The following NFIB variants were observed in gnomAD, a reference collection of about 807,000 sequenced individuals.
NFIB encodes nuclear factor 1 B-type.
Under a neutral mutation model 61.5 loss-of-function variants are expected in NFIB, and 11 were observed. That is an observed-to-expected ratio of 0.18 (90% CI 0.11 to 0.30). The LOEUF (loss-of-function observed/expected upper bound fraction) is 0.30. Among genes scored for constraint, NFIB ranks in the 10% least tolerant of loss-of-function variants. The pLI, the probability that NFIB is intolerant of heterozygous loss-of-function variation, is 1.00. For synonymous variants in NFIB, 260 were observed against 216.5 expected, an observed-to-expected ratio of 1.20 and a Z score of -1.76; for missense variants, 471 against 608.9, an observed-to-expected ratio of 0.77 and a Z score of 2.38.
chr9:14,235,054 T>C (rs1378340628), intron 2 of NFIB, among the ~76,000 whole-genome samples: 1 of 152,190 alleles, frequency 6.6e-6, no homozygotes, highest in East Asian at 1.9e-4. Flanking sequence ...TCACAACTGG[T>C]AGGTACTTAA....
intron 2 of NFIB, 42 bp downstream of exon 2, chr9:14,306,947 G>A (rs572596736): frequency 6.2e-7 from 1 of 1,600,954 alleles, no homozygotes; most frequent in South Asian, 1.1e-5. Flanking sequence ...AGATTTGTAG[G>A]CGGTGTTTGC....
intron 10 of NFIB, among the ~76,000 whole-genome samples, chr9:14,089,364 T>TAA (rs577188593): frequency 0.05 from 6,795 of 134,558 alleles, 511 homozygotes; most frequent in East Asian, 0.36. Flanking sequence ...TACAGGCTGT[T>TAA]AAAAAAAAAA....
intron 3 of NFIB, among the ~76,000 whole-genome samples, chr9:14,167,720 G>T: frequency 6.6e-6 from 1 of 152,128 alleles, no homozygotes; most frequent in East Asian, 1.9e-4. Context: ...GAAACATTCA[G>T]TGTAATCAGG....
At chr9:14,126,614 G>C (rs532314953) in intron 6 of NFIB, among the ~76,000 whole-genome samples, 2 of 152,328 alleles carry the variant, frequency 1.3e-5, no homozygotes, top group Admixed American at 1.3e-4. Context: ...AGTGTGTGGA[G>C]TGGTGAAAGA....
At chr9:14,227,159 GAAAGA>G (rs1280520427) in intron 2 of NFIB, among the ~76,000 whole-genome samples, 2 of 140,566 alleles carry the variant, frequency 1.4e-5, no homozygotes, top group African/African-American at 2.7e-5. Context: ...AAAAAAAAAA[GAAAGA>G]AAAGTAAAGT....
intron 2 of NFIB, among the ~76,000 whole-genome samples, chr9:14,260,892 A>T (rs2056686394): frequency 6.8e-6 from 1 of 146,130 alleles, no homozygotes; most frequent in Admixed American, 6.7e-5. Context: ...GGCAAAAGGT[A>T]GCCACATCAT....
At chr9:14,115,298 A>AG (rs943668578) in intron 9 of NFIB, among the ~76,000 whole-genome samples, 1 of 151,816 alleles carries the variant, frequency 6.6e-6, no homozygotes, top group Non-Finnish European at 1.5e-5. Flanking sequence ...GAAAGAAAAA[A>AG]AAAAGGTTTG....
the NFIB span, among the ~76,000 whole-genome samples, chr9:14,454,132 A>C: frequency 6.6e-6 from 1 of 152,196 alleles, no homozygotes; most frequent in Non-Finnish European, 1.5e-5. Context: ...AAATATGAAG[A>C]CTCACATGTT....
chr9:14,368,284 G>A (rs1256805968), intron 1 of NFIB, among the ~76,000 whole-genome samples: 1 of 152,164 alleles, frequency 6.6e-6, no homozygotes, highest in Admixed American at 6.5e-5. Context: ...CCAAGAAGCA[G>A]ACATAAAGAG....
intron 2 of NFIB, among the ~76,000 whole-genome samples, chr9:14,299,154 C>T (rs1024542507): frequency 3.3e-5 from 5 of 152,146 alleles, no homozygotes; most frequent in Non-Finnish European, 5.9e-5. Flanking sequence ...ACAGAATATA[C>T]CCTACTTCAA....
At chr9:14,317,712 A>G (rs905606176), upstream of NFIB, among the ~76,000 whole-genome samples, 1 of 152,300 alleles carries the variant, frequency 6.6e-6, no homozygotes, top group African/African-American at 2.4e-5. Flanking sequence ...TGCCAAGGTC[A>G]TTGCAGGCCT....
intron 2 of NFIB, among the ~76,000 whole-genome samples, chr9:14,192,229 G>A (rs2048024355): frequency 6.6e-6 from 1 of 152,134 alleles, no homozygotes; most frequent in East Asian, 1.9e-4. Flanking sequence ...ATTGTTCATG[G>A]ATATTTTGCA....
At chr9:14,473,558 C>T in the NFIB span, among the ~76,000 whole-genome samples, 95,480 of 152,026 alleles carry the variant, frequency 0.63, 31,075 homozygotes, top group African/African-American at 0.81. Flanking sequence ...CTCAAGCTTC[C>T]TCTCCCAACA....
chr9:14,322,074 GTTAAAAA>G, intron 1 of NFIB: 1 of 468,090 alleles, frequency 2.1e-6, no homozygotes, highest in Non-Finnish European at 2.6e-6. Flanking sequence ...TTTGTGTTTA[GTTAAAAA>G]AAAAAAAAAA....
At chr9:14,173,526 T>G (rs1270817196) in intron 3 of NFIB, among the ~76,000 whole-genome samples, 1 of 152,188 alleles carries the variant, frequency 6.6e-6, no homozygotes, top group Non-Finnish European at 1.5e-5. Flanking sequence ...TAACTCACAT[T>G]TTTATCTTCT....
chr9:14,261,867 GT>G (rs2056789225), intron 2 of NFIB, among the ~76,000 whole-genome samples: 1 of 152,136 alleles, frequency 6.6e-6, no homozygotes, highest in Admixed American at 6.5e-5. Flanking sequence ...AGAGATAATT[GT>G]TTTATTCTTT....
chr9:14,507,971 AACACACACAC>A, the NFIB span, among the ~76,000 whole-genome samples: 2 of 129,098 alleles, frequency 1.5e-5, no homozygotes, highest in Non-Finnish European at 3.3e-5. Flanking sequence ...GACACACACA[AACACACACAC>A]ACACACACAC....
intron 1 of NFIB, among the ~76,000 whole-genome samples, chr9:14,351,970 T>A (rs1432701200): frequency 6.6e-6 from 1 of 152,152 alleles, no homozygotes; most frequent in Non-Finnish European, 1.5e-5. Context: ...CCGGGTCTCT[T>A]GATTTGAGGT....
rs59820032 is a variant in NFIB at position 14,391,331 on chromosome 9, G to GCC, written c.108+7191_108+7192dup. Among the ~76,000 whole-genome samples the GCC allele has an allele frequency of 7.7e-4, 115 of 148,612 alleles. 1 individual carries two copies. The highest frequency in any genetic ancestry group is 1.1e-3 in the East Asian group (5 of 4,628). The stretch of plus-strand genomic sequence containing the variant: ...GGCAGACAAGACCAGTGCAGGAGAT[G>GCC]CCCCCCCCCCACCCCCCGCCCGCTT... On this transcript the variant is annotated intron_variant, in intron 1 of 8. Transcript: ENST00000380934.
Sources: allele counts gnomAD v4.1 joint callset (sites outside exome capture counted in the v4.1 genomes callset), GRCh38; gene constraint gnomAD v4.1.1; transcripts MANE v1.5; gene names NCBI Gene and HGNC (gene_info 2026-07-23, HGNC 2026-07-21).